Variants in TAF3 observed in about 807,000 individuals in gnomAD.
TAF3 encodes the protein TATA-box binding protein associated factor 3.
Under a neutral mutation model 80.6 loss-of-function variants are expected in TAF3, and 7 were observed. The ratio of observed to expected loss-of-function variants is 0.09; its 90% CI spans 0.05 to 0.16. TAF3 has a LOEUF of 0.16. Ranked by LOEUF, TAF3 falls within the 10% of genes least tolerant of loss-of-function variation. TAF3 has a pLI of 1.00. For synonymous variants in TAF3, 444 were observed against 446.1 expected, an observed-to-expected ratio of 1.00 and a Z score of 0.06; for missense variants, 921 against 1,140.2, an observed-to-expected ratio of 0.81 and a Z score of 2.77.
intron 2 of TAF3, among the ~76,000 whole-genome samples, chr10:7,887,086 T>G (rs1588539128): frequency 1.3e-5 from 2 of 151,750 alleles, no homozygotes; most frequent in Non-Finnish European, 2.9e-5. Context: ...ATAAAAAAAA[T>G]TAGCCGGGCG....
At chr10:7,957,199 A>T in intron 2 of TAF3, among the ~76,000 whole-genome samples, 1 of 152,098 alleles carries the variant, frequency 6.6e-6, no homozygotes, top group East Asian at 1.9e-4. Context: ...ATCCAGAACT[A>T]CCTTTCCTTA....
intron 4 of TAF3, among the ~76,000 whole-genome samples, chr10:7,983,782 T>G (rs539850042): frequency 1.3e-5 from 2 of 152,094 alleles, no homozygotes; most frequent in African/African-American, 4.8e-5. Context: ...AAGGCTACAG[T>G]GAGCTGTCAT....
At chr10:7,951,339 C>T (rs541458664) in intron 2 of TAF3, among the ~76,000 whole-genome samples, 7 of 152,344 alleles carry the variant, frequency 4.6e-5, no homozygotes, top group Admixed American at 4.6e-4. Flanking sequence ...GGCTCTTCTG[C>T]TGGACGAGGC....
intron 2 of TAF3, among the ~76,000 whole-genome samples, chr10:7,905,046 A>C (rs1354665195): frequency 6.6e-6 from 1 of 152,118 alleles, no homozygotes; most frequent in Non-Finnish European, 1.5e-5. Context: ...GAAGTGGAAA[A>C]ACCAAAGATA....
chr10:7,924,996 C>T (rs1317099676), intron 2 of TAF3, among the ~76,000 whole-genome samples: 1 of 152,154 alleles, frequency 6.6e-6, no homozygotes, highest in African/African-American at 2.4e-5. Flanking sequence ...GTGAGAAATA[C>T]TCTAGATTTG....
At position 7,865,229 on chromosome 10, in the gene TAF3, A is replaced by T. The variant is rs1837198755; in HGVS notation, c.409+40669A>T. ...ATGCCTGTAATCCCAGCACTCTGGG[A>T]GGCCGAGGCGGGCGGATCATGAGGT... On this transcript the variant is annotated intron_variant, in intron 2 of 6. Coordinates refer to ENST00000344293, the MANE Select transcript of TAF3 (RefSeq NM_031923.4). 3.3e-5 allele frequency among the ~76,000 whole-genome samples: 5 copies of T among 152,066 alleles called. No individual in the cohort carries two copies. In the South Asian group the frequency reaches 1.0e-3, roughly 32 times the overall value.
At chr10:7,901,975 G>A (rs541369263) in intron 2 of TAF3, among the ~76,000 whole-genome samples, 8 of 151,964 alleles carry the variant, frequency 5.3e-5, no homozygotes, top group Admixed American at 5.2e-4. Context: ...GTGTGTGCAC[G>A]TGGACGCTCC....
rs1237950370 is a variant in TAF3 at position 7,964,499 on chromosome 10, T to A, written c.989T>A (p.Ile330Asn). ...SPKSPKVTTHIPQTPVRPETP... is the reference protein window; with the variant it reads ...SPKSPKVTTHNPQTPVRPETP... ...AAGAGCCCCAAGGTCACGACTCACA[T>A]TCCCCAAACACCTGTGAGACCTGAA... The change falls in exon 3 of 7, where the codon ATT becomes AAT. Residue 330 changes from isoleucine (I) to asparagine (N), a missense_variant. Physicochemically the swap from Ile to Asn is moderately radical, Grantham distance 149. Transcript: ENST00000344293. The surrounding 1 kb of genome is among the most constrained non-coding windows in gnomAD (Gnocchi z 4.1). 1 of 1,613,392 alleles carries A rather than the reference T, an allele frequency of 6.2e-7. No individual in the cohort carries two copies. Among genetic ancestry groups the A allele is most frequent in the Non-Finnish European group, 8.5e-7 (1 of 1,179,738 alleles).
intron 2 of TAF3, among the ~76,000 whole-genome samples, chr10:7,832,404 T>C (rs1836810238): frequency 1.3e-5 from 2 of 152,222 alleles, no homozygotes; most frequent in Non-Finnish European, 2.9e-5. Flanking sequence ...ATAATAATAC[T>C]TTTTAATTTT....
At position 7,822,905 on chromosome 10, in the gene TAF3, C is replaced by T. The variant is rs552241572; in HGVS notation, c.167-1413C>T. ...AAAATCTCTATATCTAACTTTTTAT[C>T]TCTGTTTTATGTGGTGTTTTCTAAT... On this transcript the variant is annotated intron_variant, in intron 1 of 6. Coordinates refer to ENST00000344293, the MANE Select transcript of TAF3 (RefSeq NM_031923.4). 2.6e-5 allele frequency among the ~76,000 whole-genome samples: 4 copies of T among 152,258 alleles called. No individual in the cohort carries two copies. In the South Asian group the frequency reaches 8.3e-4, roughly 32 times the overall value.
In TAF3 at chr10:7,863,718, T is replaced by TACACAC. The variant is rs766163037; in HGVS notation, c.409+39163_409+39164insCACACA. Among the ~76,000 whole-genome samples, 13 of 52,570 alleles carry TACACAC rather than the reference T, an allele frequency of 2.5e-4. 1 individual carries two copies. The highest frequency in any genetic ancestry group is 2.8e-3 in the South Asian group (2 of 722). The allele number at this position is 52,570 out of a possible 152,430, so 34.5% of individuals were successfully genotyped here. A position where few individuals can be genotyped will look rare whatever the true frequency, so the allele number is the denominator to read the frequency against. On this transcript the variant is annotated intron_variant, in intron 2 of 6. Transcript: ENST00000344293. ...ATATATATATATACACATATATATA[T>TACACAC]ACACATATATATATACACATATATA...
chr10:7,955,840 T>A (rs1408237784), intron 2 of TAF3, among the ~76,000 whole-genome samples: 1 of 152,192 alleles, frequency 6.6e-6, no homozygotes, highest in Admixed American at 6.5e-5. Context: ...GATTATTTGT[T>A]TGTGTTATTA....
chr10:7,977,410 T>G lies in TAF3; in HGVS notation c.2315+87T>G, dbSNP rs1320904389. The G allele has an allele frequency of 6.1e-5, 79 of 1,290,124 alleles. 3 individuals are homozygous for G. In the Admixed American group the frequency reaches 1.4e-3, roughly 24 times the overall value. The allele number at this position is 1,290,124 out of a possible 1,614,324, so 79.9% of individuals were successfully genotyped here. On this transcript the variant is annotated intron_variant, in intron 4 of 6. Transcript: ENST00000344293. ...CTAAGGGACTTAGAATTCCACAAGCTTCTCCCAGGTATGAACCTGTAGGGT... is the reference window on the plus strand; with the variant it reads ...CTAAGGGACTTAGAATTCCACAAGCGTCTCCCAGGTATGAACCTGTAGGGT...
chr10:7,941,939 T>G (rs1007240949), intron 2 of TAF3, among the ~76,000 whole-genome samples: 15 of 152,212 alleles, frequency 9.9e-5, no homozygotes, highest in African/African-American at 3.4e-4. Flanking sequence ...TTAATAATTA[T>G]ATATTCAATT....
At chr10:7,902,410 C>T (rs1490320065) in intron 2 of TAF3, among the ~76,000 whole-genome samples, 6 of 151,596 alleles carry the variant, frequency 4.0e-5, no homozygotes, top group Non-Finnish European at 1.5e-5. Context: ...GCAACAAGAG[C>T]GAAACTCTGT....
At chr10:7,876,995 A>C (rs1837318102) in intron 2 of TAF3, among the ~76,000 whole-genome samples, 1 of 147,298 alleles carries the variant, frequency 6.8e-6, no homozygotes. Context: ...AACTTCCTTT[A>C]CTCAAATTGC....
At chr10:7,977,197 T>C (rs1831681683) in intron 3 of TAF3, 44 bp from the exon 4 acceptor site, 3 of 1,591,604 alleles carry the variant, frequency 1.9e-6, no homozygotes, top group African/African-American at 2.7e-5. Flanking sequence ...GGAGGTACTT[T>C]TGTTGAAAAA....
intron 2 of TAF3, among the ~76,000 whole-genome samples, chr10:7,883,696 G>T (rs939238568): frequency 6.6e-6 from 1 of 152,106 alleles, no homozygotes; most frequent in African/African-American, 2.4e-5. Context: ...TCTACTCTAT[G>T]GAAGATTTTC....
chr10:7,966,491 C>T (rs1831572813), intron 3 of TAF3, among the ~76,000 whole-genome samples: 1 of 152,202 alleles, frequency 6.6e-6, no homozygotes, highest in South Asian at 2.1e-4. Flanking sequence ...AGGCTGTGAC[C>T]TCTGCTTACC....
Sources: allele counts gnomAD v4.1 joint callset (sites outside exome capture counted in the v4.1 genomes callset), GRCh38; gene constraint gnomAD v4.1.1; non-coding constraint Gnocchi (gnomAD v3.1); transcripts MANE v1.5; gene names NCBI Gene and HGNC (gene_info 2026-07-23, HGNC 2026-07-21).